The following NUP153 variants were observed in gnomAD, a reference collection of about 807,000 sequenced individuals.
NUP153 encodes the protein nuclear pore complex protein Nup153.
A neutral mutation model predicts 134.6 loss-of-function variants in NUP153; 27 were observed. The ratio of observed to expected loss-of-function variants is 0.20; its 90% CI spans 0.15 to 0.28. The LOEUF is 0.28. Among genes scored for constraint, NUP153 ranks in the 10% least tolerant of loss-of-function variants. The probability of loss-of-function intolerance (pLI) is 1.00; values close to 1 mark genes in which losing one functional copy is unlikely to be tolerated. For synonymous variants in NUP153, 640 were observed against 623.5 expected, an observed-to-expected ratio of 1.03 and a Z score of -0.40; for missense variants, 1,821 against 1,731.3, an observed-to-expected ratio of 1.05 and a Z score of -0.92.
chr6:17,661,846 C>A lies in NUP153; in HGVS notation c.1269-67G>T, dbSNP rs564523961. Reference sequence around the variant, plus strand: ...GTGGTCCATAACTTGTTAACTAGAACTGCTAACAAGTAAAAAAAAAATATA... The same window carrying A: ...GTGGTCCATAACTTGTTAACTAGAAATGCTAACAAGTAAAAAAAAAATATA... On this transcript the variant is annotated intron_variant, in intron 10 of 21. Coordinates refer to ENST00000262077, the MANE Select transcript of NUP153 (RefSeq NM_005124.4). 3.9e-5 allele frequency: 57 copies of A among 1,449,110 alleles called. No homozygotes were observed. In the East Asian group the frequency reaches 1.2e-3, roughly 31 times the overall value. 89.8% of individuals were successfully genotyped at this position (1,449,110 alleles called of 1,614,324 possible).
intron 12 of NUP153, among the ~76,000 whole-genome samples, chr6:17,648,915 T>C (rs1766360229): frequency 6.6e-6 from 1 of 152,184 alleles, no homozygotes; most frequent in Admixed American, 6.5e-5. Context: ...GAAACATTAT[T>C]TGGAAACAAA....
chr6:17,700,320 C>T (rs13217969), intron 1 of NUP153, among the ~76,000 whole-genome samples: 16,187 of 152,152 alleles, frequency 0.11, 913 homozygotes, highest in Admixed American at 0.13. Flanking sequence ...TTCACTTGTC[C>T]CATTTAACCT....
intron 11 of NUP153, among the ~76,000 whole-genome samples, chr6:17,658,289 G>A (rs548258617): frequency 8.5e-5 from 13 of 152,260 alleles, no homozygotes; most frequent in Non-Finnish European, 1.5e-4. Flanking sequence ...ACAGTTACTC[G>A]GGAGGCTGAG....
intron 1 of NUP153, among the ~76,000 whole-genome samples, chr6:17,692,736 A>G (rs1769361662): frequency 6.6e-6 from 1 of 152,166 alleles, no homozygotes; most frequent in South Asian, 2.1e-4. Context: ...TATCAGCATC[A>G]TCCCAGGTCC....
intron 12 of NUP153, 48 bp downstream of exon 12, chr6:17,649,115 A>T (rs2113799422): frequency 6.6e-7 from 1 of 1,508,872 alleles, no homozygotes; most frequent in East Asian, 2.3e-5. Flanking sequence ...TTAAATAAAG[A>T]ATTAAGAAAG....
chr6:17,667,032 C>T (rs1184318671), intron 8 of NUP153, among the ~76,000 whole-genome samples: 1 of 152,092 alleles, frequency 6.6e-6, no homozygotes, highest in Non-Finnish European at 1.5e-5. Flanking sequence ...TTCTTAGCAC[C>T]CATTAATAAA....
chr6:17,619,002 G>T (rs1404074086), intron 20 of NUP153, among the ~76,000 whole-genome samples: 2 of 152,048 alleles, frequency 1.3e-5, no homozygotes. Context: ...CCCCAAAATG[G>T]AAGTTCACAA....
chr6:17,673,906 C>A (rs1768060780), intron 5 of NUP153, among the ~76,000 whole-genome samples: 1 of 152,192 alleles, frequency 6.6e-6, no homozygotes, highest in South Asian at 2.1e-4. Context: ...ACATTCATAG[C>A]AGCTTCATTC....
chr6:17,644,714 G>A (rs1280263548), intron 14 of NUP153, among the ~76,000 whole-genome samples: 4 of 152,080 alleles, frequency 2.6e-5, no homozygotes, highest in Non-Finnish European at 5.9e-5. Flanking sequence ...AGGCCAAGGT[G>A]GGCAGATCAC....
chr6:17,624,665 G>C lies in NUP153; in HGVS notation c.4070C>G (p.Pro1357Arg). The C allele has an allele frequency of 6.2e-7, 1 of 1,614,224 alleles. No homozygotes were observed. The highest frequency in any genetic ancestry group is 2.2e-5 in the East Asian group (1 of 44,888). The change falls in exon 20 of 22, where the codon CCT becomes CGT. Residue 1357 changes from proline (P) to arginine (R), a missense_variant. Coordinates refer to ENST00000262077, the MANE Select transcript of NUP153 (RefSeq NM_005124.4). ...CACTGTCCCAAAAGTAGGTGGTGCAGGCTGAGAACCAGTGGGAAATAATGC... is the reference window on the plus strand; with the variant it reads ...CACTGTCCCAAAAGTAGGTGGTGCACGCTGAGAACCAGTGGGAAATAATGC... The part of the protein sequence containing the change: ...STALFPTGSQ[P>R]APPTFGTVSS...
chr6:17,620,052 T>C (rs942423882), intron 20 of NUP153, among the ~76,000 whole-genome samples: 3 of 133,788 alleles, frequency 2.2e-5, no homozygotes, highest in African/African-American at 8.7e-5. Context: ...GAGCCAAGAT[T>C]GCACCATTAT....
intron 2 of NUP153, among the ~76,000 whole-genome samples, chr6:17,678,233 G>GT (rs1768345710): frequency 6.6e-6 from 1 of 151,266 alleles, no homozygotes; most frequent in Non-Finnish European, 1.5e-5. Flanking sequence ...GCACACGCCT[G>GT]TAATTCCAGC....
At chr6:17,658,241 C>CA (rs1766956228) in intron 11 of NUP153, among the ~76,000 whole-genome samples, 1 of 152,086 alleles carries the variant, frequency 6.6e-6, no homozygotes, top group African/African-American at 2.4e-5. Context: ...GCTAAAAATA[C>CA]AAAAAATTAG....
rs148819564 is a variant in NUP153 at position 17,675,621 on chromosome 6, C to G, written c.484G>C (p.Gly162Arg). ...TTAATTTCCTTTACAAGGGAAAATC[C>G]CGAACTGCCAATTGGGAATGCCGAG... ...TSSAFPIGSS[G>R]FSLVKEIKDS... Residue 162 changes from glycine (G) to arginine (R), a missense_variant, in exon 3 of 22, where the codon GGA (glycine) becomes CGA (arginine). Gly to Arg is a moderately radical substitution (Grantham distance 125). Coordinates refer to ENST00000262077, the MANE Select transcript of NUP153 (RefSeq NM_005124.4). This position sits in a 1 kb window ranked among gnomAD's most constrained non-coding sequence, Gnocchi z 4.4. 1.1e-5 allele frequency: 17 copies of G among 1,613,936 alleles called. No individual in the cohort carries two copies. In the African/African-American group the frequency reaches 1.3e-4, roughly 13 times the overall value.
At chr6:17,677,794 A>G (rs1423873381) in intron 2 of NUP153, among the ~76,000 whole-genome samples, 1 of 146,820 alleles carries the variant, frequency 6.8e-6, no homozygotes, top group Non-Finnish European at 1.5e-5. Flanking sequence ...CAGTGGCGCA[A>G]TCTTCGCTCA....
Position 17,684,097 on chromosome 6 carries a change from T to A in NUP153, c.334+4299A>T, listed in dbSNP as rs146424102. ...CCTGCTCCCACTCTGCCTTCTGCCA[T>A]GAGTAAAACCTTGAGACCACACTAA... On this transcript the variant is annotated intron_variant, in intron 2 of 21. Coordinates refer to ENST00000262077, the MANE Select transcript of NUP153 (RefSeq NM_005124.4). Among the ~76,000 whole-genome samples, 112 of 152,288 alleles carry A rather than the reference T, an allele frequency of 7.4e-4. No homozygotes were observed. In the East Asian group the frequency reaches 0.021, roughly 28 times the overall value.
chr6:17,618,763 T>C (rs567326398), intron 20 of NUP153, among the ~76,000 whole-genome samples: 1 of 152,272 alleles, frequency 6.6e-6, no homozygotes, highest in East Asian at 1.9e-4. Flanking sequence ...AGATGGGGTT[T>C]CACCGTGTTA....
intron 14 of NUP153, 22 bp from the exon 15 acceptor site, chr6:17,640,086 T>C (rs78321985): frequency 6.6e-7 from 1 of 1,522,386 alleles, no homozygotes; most frequent in South Asian, 1.3e-5. Context: ...TTAAATTTAA[T>C]AACATTATGC....
Position 17,616,773 on chromosome 6 carries a change from G to A in NUP153, c.4175-78C>T, listed in dbSNP as rs924029387. Reference sequence around the variant, plus strand: ...TGTTTGTTTGTTTGTTTTTTGAGACGGAGTCTCGCTCTCTTGCCCAGGCTG... The same window carrying A: ...TGTTTGTTTGTTTGTTTTTTGAGACAGAGTCTCGCTCTCTTGCCCAGGCTG... On this transcript the variant is annotated intron_variant, in intron 20 of 21. Transcript: ENST00000262077. The A allele has an allele frequency of 1.1e-4, 146 of 1,365,328 alleles. No homozygotes were observed. In the African/African-American group the frequency reaches 1.5e-3, roughly 14 times the overall value. The allele number at this position is 1,365,328 out of a possible 1,614,324, so 84.6% of individuals were successfully genotyped here. A position where few individuals can be genotyped will look rare whatever the true frequency, so the allele number is the denominator to read the frequency against.
Sources: allele counts gnomAD v4.1 joint callset (sites outside exome capture counted in the v4.1 genomes callset), GRCh38; gene constraint gnomAD v4.1.1; non-coding constraint Gnocchi (gnomAD v3.1); transcripts MANE v1.5; gene names NCBI Gene and HGNC (gene_info 2026-07-23, HGNC 2026-07-21).